Variants in AKR1C8 observed in about 807,000 individuals in gnomAD.
AKR1C8 encodes aldo-keto reductase family 1 member C8, also known as aldo-keto reductase family 1 member C-like protein 1.
the AKR1C8 span, among the ~76,000 whole-genome samples, chr10:5,160,439 G>A: frequency 6.6e-6 from 1 of 152,020 alleles, no homozygotes; most frequent in East Asian, 1.9e-4. Context: ...TCACTGTCCT[G>A]CACCTTCCAC....
chr10:5,168,085 A>G, the AKR1C8 span, among the ~76,000 whole-genome samples: 1 of 152,062 alleles, frequency 6.6e-6, no homozygotes, highest in African/African-American at 2.4e-5. Flanking sequence ...TCTAGGATGG[A>G]CAGGCCTAGA....
chr10:5,120,391 C>T, the AKR1C8 span, among the ~76,000 whole-genome samples: 24 of 152,096 alleles, frequency 1.6e-4, no homozygotes, highest in African/African-American at 2.7e-4. Context: ...AGGGTCTCCA[C>T]GATCAAGCTG....
At chr10:5,165,377 CA>C in the AKR1C8 span, among the ~76,000 whole-genome samples, 1 of 152,116 alleles carries the variant, frequency 6.6e-6, no homozygotes, top group African/African-American at 2.4e-5. Context: ...TCAGACCCTA[CA>C]ACACCTCCTA....
chr10:5,118,246 G>A, the AKR1C8 span, among the ~76,000 whole-genome samples: 1 of 152,178 alleles, frequency 6.6e-6, no homozygotes, highest in African/African-American at 2.4e-5. Flanking sequence ...CAGGGGTAGG[G>A]ACAGGGGAAA....
the AKR1C8 span, among the ~76,000 whole-genome samples, chr10:5,153,520 G>T: frequency 2.6e-5 from 4 of 152,226 alleles, no homozygotes; most frequent in African/African-American, 9.6e-5. Context: ...CCTAAGACTG[G>T]GTAACTTTTA....
the AKR1C8 span, among the ~76,000 whole-genome samples, chr10:5,172,369 TAA>T: frequency 6.6e-6 from 1 of 152,074 alleles, no homozygotes; most frequent in Admixed American, 6.6e-5. Flanking sequence ...TTTTTAAATA[TAA>T]GTTATCTTTT....
chr10:5,144,440 A>T, the AKR1C8 span, among the ~76,000 whole-genome samples: 1 of 152,050 alleles, frequency 6.6e-6, no homozygotes, highest in Non-Finnish European at 1.5e-5. Flanking sequence ...TGGGGATGGC[A>T]TTGAATCTGT....
chr10:5,170,768 C>T, the AKR1C8 span, among the ~76,000 whole-genome samples: 21 of 152,074 alleles, frequency 1.4e-4, no homozygotes, highest in African/African-American at 5.1e-4. Flanking sequence ...CCAGTCAAAG[C>T]CTTGGTAAAA....
chr10:5,123,821 C>T, the AKR1C8 span: 2 of 1,608,826 alleles, frequency 1.2e-6, no homozygotes, highest in Non-Finnish European at 8.5e-7. Context: ...GACATTCCAC[C>T]TGCAGATGAC....
At chr10:5,160,914 G>A in the AKR1C8 span, 2 of 470,788 alleles carry the variant, frequency 4.2e-6, no homozygotes, top group Non-Finnish European at 4.4e-6. Flanking sequence ...AGAAGATAAA[G>A]AAGGACATTT....
the AKR1C8 span, among the ~76,000 whole-genome samples, chr10:5,143,710 T>C: frequency 6.7e-6 from 1 of 148,156 alleles, no homozygotes; most frequent in Non-Finnish European, 1.5e-5. Context: ...ATTAAATATA[T>C]TTAGATATAT....
chr10:5,158,436 C>T, the AKR1C8 span, among the ~76,000 whole-genome samples: 3 of 152,188 alleles, frequency 2.0e-5, no homozygotes, highest in African/African-American at 4.8e-5. Flanking sequence ...ATGTTGGTGA[C>T]ATTTAAGCTC....
chr10:5,149,552 A>G, the AKR1C8 span, among the ~76,000 whole-genome samples: 1 of 152,124 alleles, frequency 6.6e-6, no homozygotes, highest in Admixed American at 6.5e-5. Context: ...TCTCAAAATA[A>G]CTTGAAGTTA....
At chr10:5,131,582 G>T in the AKR1C8 span, among the ~76,000 whole-genome samples, 1 of 151,934 alleles carries the variant, frequency 6.6e-6, no homozygotes, top group Non-Finnish European at 1.5e-5. Context: ...ATGAAAAAAG[G>T]TTCAACATTA....
At chr10:5,145,158 T>C in the AKR1C8 span, among the ~76,000 whole-genome samples, 66 of 152,238 alleles carry the variant, frequency 4.3e-4, 1 homozygote, top group East Asian at 7.1e-3. Flanking sequence ...GCTCTGTTTA[T>C]ATACTGGATT....
the AKR1C8 span, among the ~76,000 whole-genome samples, chr10:5,134,243 C>T: frequency 0.015 from 2,243 of 152,246 alleles, 54 homozygotes; most frequent in African/African-American, 0.051. Flanking sequence ...TTGTGCTTTT[C>T]CTTACTTCCC....
chr10:5,159,394 C>T, the AKR1C8 span, among the ~76,000 whole-genome samples: 4 of 152,016 alleles, frequency 2.6e-5, no homozygotes, highest in African/African-American at 4.8e-5. Context: ...TTCATAAAAC[C>T]GAAACTTTCA....
chr10:5,173,205 G>A, the AKR1C8 span, among the ~76,000 whole-genome samples: 1 of 151,858 alleles, frequency 6.6e-6, no homozygotes, highest in Non-Finnish European at 1.5e-5. Context: ...TCAGTTAACT[G>A]GGAAAAAAAA....
the AKR1C8 span, among the ~76,000 whole-genome samples, chr10:5,177,956 G>C: frequency 6.6e-6 from 1 of 152,106 alleles, no homozygotes; most frequent in Non-Finnish European, 1.5e-5. Context: ...ATTTTTTGAA[G>C]GGTTTTTTGT....
Sources: allele counts gnomAD v4.1 joint callset (sites outside exome capture counted in the v4.1 genomes callset), GRCh38; gene constraint gnomAD v4.1.1; transcripts MANE v1.5; gene names NCBI Gene and HGNC (gene_info 2026-07-23, HGNC 2026-07-21).